The following SPATS2 variants were observed in gnomAD, a reference collection of about 807,000 sequenced individuals.
The protein encoded by SPATS2 is spermatogenesis-associated serine-rich protein 2.
In SPATS2, 38 loss-of-function variants were observed where a neutral mutation model predicts 63.7. The observed-to-expected ratio is 0.60, with a 90% CI of 0.46 to 0.78. The LOEUF (loss-of-function observed/expected upper bound fraction) is 0.78. Among genes scored for constraint, SPATS2 ranks in the 30% least tolerant of loss-of-function variants. The pLI, the probability that SPATS2 is intolerant of heterozygous loss-of-function variation, is 0.00. For missense variants in SPATS2, 588 were observed against 666.2 expected (o/e 0.88, Z 1.29); for synonymous variants, 207 against 232.9 (o/e 0.89, Z 1.01).
At chr12:49,450,983 C>G (rs558990981) in intron 2 of SPATS2, among the ~76,000 whole-genome samples, 1 of 152,102 alleles carries the variant, frequency 6.6e-6, no homozygotes, top group African/African-American at 2.4e-5. Flanking sequence ...ATTCTCCTGC[C>G]TCAGCCTCCC....
chr12:49,459,740 T>TGC (rs1945785887), intron 2 of SPATS2, among the ~76,000 whole-genome samples: 1 of 32,650 alleles, frequency 3.1e-5, no homozygotes, highest in African/African-American at 1.6e-4. Flanking sequence ...TCATTTCACG[T>TGC]CCCCCCCCCC....
At position 49,460,196 on chromosome 12, in the gene SPATS2, C is replaced by T. The variant is rs565808808; in HGVS notation, c.-243-574C>T. 4.6e-5 allele frequency among the ~76,000 whole-genome samples: 7 copies of T among 152,236 alleles called. No individual in the cohort carries two copies. In the East Asian group the frequency reaches 1.4e-3, roughly 29 times the overall value. On this transcript the variant is annotated intron_variant, in intron 2 of 13. Coordinates refer to ENST00000552918, the MANE Select transcript of SPATS2 (RefSeq NM_023071.4). ...GATGGGAAGATCAAATGGCTCATGC[C>T]TGTAATCCCAGCACTTTGGGAGGCC...
At chr12:49,409,053 G>T (rs898209144) in intron 2 of SPATS2, among the ~76,000 whole-genome samples, 3 of 152,106 alleles carry the variant, frequency 2.0e-5, no homozygotes, top group Non-Finnish European at 4.4e-5. Context: ...TAGTACATTT[G>T]ACATTTGAAT....
intron 2 of SPATS2, chr12:49,389,631 G>T: frequency 8.5e-7 from 1 of 1,177,302 alleles, no homozygotes; most frequent in Non-Finnish European, 1.3e-6. Flanking sequence ...CTCAATAAGC[G>T]AGTAGAAGCC....
intron 2 of SPATS2, among the ~76,000 whole-genome samples, chr12:49,384,090 C>CT (rs1477493591): frequency 6.6e-6 from 1 of 152,176 alleles, no homozygotes; most frequent in Non-Finnish European, 1.5e-5. Flanking sequence ...CACTGGTACA[C>CT]TATTATAGAC....
At chr12:49,457,038 T>G in intron 2 of SPATS2, among the ~76,000 whole-genome samples, 1 of 152,146 alleles carries the variant, frequency 6.6e-6, no homozygotes, top group Non-Finnish European at 1.5e-5. Context: ...CCAGTTTTTC[T>G]TTAACTTTGC....
At chr12:49,481,457 C>CTTTTTTTTTTTTTTTTTTTTTTTTT (rs1565742917) in intron 3 of SPATS2, among the ~76,000 whole-genome samples, 1 of 137,398 alleles carries the variant, frequency 7.3e-6, no homozygotes, top group African/African-American at 2.9e-5. Context: ...AAGGCTTCCT[C>CTTTTTTTTTTTTTTTTTTTTTTTTT]ATTTTTTTTT....
intron 2 of SPATS2, among the ~76,000 whole-genome samples, chr12:49,427,578 C>T (rs1286834147): frequency 6.6e-6 from 1 of 152,084 alleles, no homozygotes; most frequent in Non-Finnish European, 1.5e-5. Flanking sequence ...ATGCTGTATT[C>T]TAAAGAAGTT....
At chr12:49,421,416 C>CAAAAAAA (rs71080195) in intron 2 of SPATS2, among the ~76,000 whole-genome samples, 1 of 52,108 alleles carries the variant, frequency 1.9e-5, no homozygotes, top group Non-Finnish European at 3.2e-5. Flanking sequence ...GACTTTGTCT[C>CAAAAAAA]AAAAAAAAAA....
At chr12:49,425,475 G>A (rs1371119044) in intron 2 of SPATS2, among the ~76,000 whole-genome samples, 3 of 150,814 alleles carry the variant, frequency 2.0e-5, no homozygotes, top group Admixed American at 1.3e-4. Flanking sequence ...GTGTGCCATC[G>A]TGCCTGGCTA....
intron 2 of SPATS2, among the ~76,000 whole-genome samples, chr12:49,374,988 C>G (rs1254065806): frequency 3.3e-5 from 4 of 120,968 alleles, no homozygotes; most frequent in Admixed American, 2.5e-4. Context: ...AAAAAAAAGG[C>G]ATAGGTTGAT....
intron 3 of SPATS2, among the ~76,000 whole-genome samples, chr12:49,464,147 T>G (rs1331480949): frequency 6.6e-6 from 1 of 152,202 alleles, no homozygotes; most frequent in African/African-American, 2.4e-5. Flanking sequence ...TTTGCCCAAG[T>G]GTATAATTTG....
intron 2 of SPATS2, among the ~76,000 whole-genome samples, chr12:49,397,549 T>G (rs1944532154): frequency 6.6e-6 from 1 of 152,132 alleles, no homozygotes; most frequent in Admixed American, 6.6e-5. Context: ...ACTGGCTGGC[T>G]GAGTGCTGTG....
chr12:49,477,179 C>G (rs1453603258), intron 3 of SPATS2, among the ~76,000 whole-genome samples: 4 of 151,932 alleles, frequency 2.6e-5, no homozygotes, highest in Non-Finnish European at 5.9e-5. Flanking sequence ...CTCAGGAAAT[C>G]TATGAGGGAA....
intron 3 of SPATS2, among the ~76,000 whole-genome samples, chr12:49,476,318 C>T (rs1302474679): frequency 2.0e-5 from 3 of 152,238 alleles, no homozygotes; most frequent in African/African-American, 4.8e-5. Context: ...GAGCCTGGTC[C>T]GCCTAGTGGC....
chr12:49,393,280 T>C lies in SPATS2; in HGVS notation c.-244+21990T>C, dbSNP rs11168994. Among the ~76,000 whole-genome samples the C allele has an allele frequency of 1.2e-3, 188 of 152,334 alleles. 1 individual carries two copies. Among genetic ancestry groups the C allele is most frequent in the African/African-American group, 4.1e-3 (169 of 41,574 alleles). On this transcript the variant is annotated intron_variant, in intron 2 of 13. Transcript: ENST00000552918. ...CCCACTCACTACTTTTCATGAGTAT[T>C]GTCAACATTATCCATCCTTTTCTAA...
chr12:49,469,106 A>G (rs1286139762), intron 3 of SPATS2, among the ~76,000 whole-genome samples: 1 of 151,934 alleles, frequency 6.6e-6, no homozygotes, highest in East Asian at 1.9e-4. Context: ...AAAAAATAAA[A>G]TAAATTAATG....
At chr12:49,491,385 GT>G (rs1296971771) in intron 6 of SPATS2, among the ~76,000 whole-genome samples, 5 of 152,074 alleles carry the variant, frequency 3.3e-5, no homozygotes, top group Non-Finnish European at 7.4e-5. Flanking sequence ...GGGCAACTGG[GT>G]TGTAGTCCTG....
intron 2 of SPATS2, among the ~76,000 whole-genome samples, chr12:49,451,002 G>A (rs1302707728): frequency 1.3e-5 from 2 of 151,710 alleles, no homozygotes; most frequent in African/African-American, 4.8e-5. Flanking sequence ...CCGAGTAACT[G>A]GGATTACAGG....
Sources: allele counts gnomAD v4.1 joint callset (sites outside exome capture counted in the v4.1 genomes callset), GRCh38; gene constraint gnomAD v4.1.1; transcripts MANE v1.5; gene names NCBI Gene and HGNC (gene_info 2026-07-23, HGNC 2026-07-21).